LRRIQ3: variants seen among roughly 807,000 people sequenced by gnomAD.
LRRIQ3 encodes leucine-rich repeat and IQ domain-containing protein 3.
A neutral mutation model predicts 59.3 loss-of-function variants in LRRIQ3; 75 were observed. That is an observed-to-expected ratio of 1.26 (90% CI 1.05 to 1.53). LRRIQ3 has a LOEUF of 1.53. Ranked by LOEUF, LRRIQ3 falls within the 40% of genes most tolerant of loss-of-function variation. The pLI is 0.00. For missense variants in LRRIQ3, 831 were observed against 710.0 expected (o/e 1.17, Z -1.94); for synonymous variants, 250 against 231.3 (o/e 1.08, Z -0.73).
intron 6 of LRRIQ3, among the ~76,000 whole-genome samples, chr1:74,071,181 T>C (rs879430646): frequency 1.3e-5 from 2 of 151,988 alleles, no homozygotes; most frequent in Non-Finnish European, 2.9e-5. Flanking sequence ...TATAGTTATA[T>C]AATCTTTTAG....
intron 6 of LRRIQ3, among the ~76,000 whole-genome samples, chr1:74,042,440 A>T (rs888041385): frequency 1.3e-5 from 2 of 152,078 alleles, no homozygotes; most frequent in Non-Finnish European, 2.9e-5. Context: ...CCTTATTTGG[A>T]CATAATCATA....
chr1:74,183,737 C>A, intron 1 of LRRIQ3, 53 bp from the exon 2 acceptor site: 1 of 1,388,062 alleles, frequency 7.2e-7, no homozygotes, highest in Admixed American at 2.8e-5. Flanking sequence ...CAAAAATTTA[C>A]CTGAAAACAA....
Position 74,026,707 on chromosome 1 carries a change from C to A in LRRIQ3, c.*106G>T. On this transcript the variant is annotated 3_prime_UTR_variant, in exon 8 of 8. Transcript: ENST00000354431. ...TTAGAAGACTTATATATAAATCCAT[C>A]TTGTGATGTAGAGTATTTCTTGCTT... is the stretch of plus-strand genomic sequence containing the variant. 1 of 822,206 alleles carries A rather than the reference C, an allele frequency of 1.2e-6. No individual in the cohort carries two copies. The highest frequency in any genetic ancestry group is 1.9e-6 in the Non-Finnish European group (1 of 536,750). 50.9% of individuals were successfully genotyped at this position (822,206 alleles called of 1,614,324 possible).
At chr1:74,058,960 C>T (rs1182724709) in intron 6 of LRRIQ3, among the ~76,000 whole-genome samples, 1 of 152,028 alleles carries the variant, frequency 6.6e-6, no homozygotes, top group East Asian at 1.9e-4. Context: ...CTTATCTTTG[C>T]CAACCCTTTG....
chr1:74,048,328 C>G (rs917433895), intron 6 of LRRIQ3, among the ~76,000 whole-genome samples: 12 of 152,252 alleles, frequency 7.9e-5, no homozygotes, highest in Admixed American at 5.9e-4. Flanking sequence ...CCTAGCATGT[C>G]AATAATTCTT....
chr1:74,034,635 GACACACAC>G (rs10567002), intron 7 of LRRIQ3, among the ~76,000 whole-genome samples: 7 of 146,882 alleles, frequency 4.8e-5, no homozygotes, highest in East Asian at 2.0e-4. Context: ...AGCACACACA[GACACACAC>G]ACACACACAC....
intron 1 of LRRIQ3, among the ~76,000 whole-genome samples, chr1:74,185,816 G>GC (rs1219497346): frequency 6.6e-6 from 1 of 151,812 alleles, no homozygotes; most frequent in African/African-American, 2.4e-5. Context: ...GGTGGCGGGC[G>GC]CCTGTGGTCC....
intron 5 of LRRIQ3, among the ~76,000 whole-genome samples, chr1:74,078,362 T>G (rs1646232468): frequency 1.3e-5 from 2 of 151,668 alleles, no homozygotes; most frequent in Non-Finnish European, 2.9e-5. Context: ...TCCAATGAGA[T>G]AGTAAAAAAA....
rs1653523645 is a variant in LRRIQ3, at chr1:74,026,618, G to A, written c.*195C>T. ...CTGATCTAAGAAATTTTTCAGAGGT[G>A]CTAAGTCAACTTTAAGTTAAATTAT... On this transcript the variant is annotated 3_prime_UTR_variant, in exon 8 of 8. Coordinates refer to ENST00000354431, the MANE Select transcript of LRRIQ3 (RefSeq NM_001105659.2). 3 of 459,642 alleles carry A rather than the reference G, an allele frequency of 6.5e-6. No homozygotes were observed. Among genetic ancestry groups the A allele is most frequent in the Non-Finnish European group, 1.1e-5 (3 of 268,732 alleles). The allele number at this position is 459,642 out of a possible 1,614,324, so 28.5% of individuals were successfully genotyped here.
At position 74,151,463 on chromosome 1, in the gene LRRIQ3, A is replaced by C. The variant is rs1647951402; in HGVS notation, c.707+4270T>G. On this transcript the variant is annotated intron_variant, in intron 4 of 7. Coordinates refer to ENST00000354431, the MANE Select transcript of LRRIQ3 (RefSeq NM_001105659.2). ...TATCCTCGGGAAATCTAAAATGTGA[A>C]TGAATGGGGAAAAATCATAGACAAT... is the stretch of plus-strand genomic sequence containing the variant. Among the ~76,000 whole-genome samples the C allele has an allele frequency of 2.0e-5, 3 of 152,138 alleles. No homozygotes were observed. In the South Asian group the frequency reaches 6.2e-4, roughly 31 times the overall value.
chr1:74,116,238 C>A (rs1020625130), intron 4 of LRRIQ3, among the ~76,000 whole-genome samples: 1 of 151,986 alleles, frequency 6.6e-6, no homozygotes, highest in African/African-American at 2.4e-5. Flanking sequence ...CTGCCCTATA[C>A]CTGGAGCTCT....
chr1:74,060,039 C>T (rs1654655051), intron 6 of LRRIQ3, among the ~76,000 whole-genome samples: 1 of 152,024 alleles, frequency 6.6e-6, no homozygotes, highest in Admixed American at 6.6e-5. Context: ...TTCATTTCAT[C>T]TAACATAAAA....
At chr1:74,126,089 ATG>A (rs1359330262) in intron 4 of LRRIQ3, among the ~76,000 whole-genome samples, 2 of 151,788 alleles carry the variant, frequency 1.3e-5, no homozygotes, top group Non-Finnish European at 2.9e-5. Context: ...AGTAAGTTGT[ATG>A]TGTATAAGGA....
chr1:74,145,745 TGTA>T (rs758849081), intron 4 of LRRIQ3, among the ~76,000 whole-genome samples: 3 of 152,130 alleles, frequency 2.0e-5, no homozygotes, highest in African/African-American at 7.2e-5. Context: ...AGTATTTAAA[TGTA>T]GTATTTTCTC....
At chr1:74,098,896 T>C (rs1474385506) in intron 5 of LRRIQ3, among the ~76,000 whole-genome samples, 1 of 152,076 alleles carries the variant, frequency 6.6e-6, no homozygotes, top group Non-Finnish European at 1.5e-5. Flanking sequence ...CTGGGACACA[T>C]TTAAAGCAGT....
Position 74,183,576 on chromosome 1 carries a change from C to T in LRRIQ3, c.109G>A (p.Gly37Ser). 1 of 1,611,862 alleles carries T rather than the reference C, an allele frequency of 6.2e-7. No individual in the cohort carries two copies. The highest frequency in any genetic ancestry group is 8.5e-7 in the Non-Finnish European group (1 of 1,178,666). Residue 37 changes from glycine to serine, a missense_variant, in exon 2 of 8, where the codon GGC becomes AGC. Coordinates refer to ENST00000354431, the MANE Select transcript of LRRIQ3 (RefSeq NM_001105659.2). ...QKDFVFVKFN[G>S]LHLKSMENLQ... Reference sequence around the variant, plus strand: ...TTTTCCATAGACTTTAAATGAAGGCCATTGAACTTCACAAAAACAAAATCT... The same window carrying T: ...TTTTCCATAGACTTTAAATGAAGGCTATTGAACTTCACAAAAACAAAATCT...
intron 1 of LRRIQ3, among the ~76,000 whole-genome samples, chr1:74,184,242 A>C (rs1366378378): frequency 6.6e-6 from 1 of 152,078 alleles, no homozygotes; most frequent in African/African-American, 2.4e-5. Flanking sequence ...CATTCAATTC[A>C]ATTAGGAAAT....
At chr1:74,185,082 A>G (rs1650271632) in intron 1 of LRRIQ3, among the ~76,000 whole-genome samples, 1 of 152,206 alleles carries the variant, frequency 6.6e-6, no homozygotes. Context: ...GCTGTTTCCA[A>G]CTTTACACAA....
chr1:74,038,577 C>A (rs1310041373), intron 7 of LRRIQ3, among the ~76,000 whole-genome samples: 1 of 152,112 alleles, frequency 6.6e-6, no homozygotes, highest in Non-Finnish European at 1.5e-5. Flanking sequence ...CAGGTAGGTG[C>A]CTCTCGAGGT....
Sources: gnomAD v4.1 joint callset for allele counts (sites outside exome capture counted in the v4.1 genomes callset) on GRCh38, gnomAD v4.1.1 for gene constraint, MANE v1.5 for transcripts, NCBI Gene and HGNC (gene_info 2026-07-23, HGNC 2026-07-21) for gene names.